CNBD1: variants seen among roughly 807,000 people sequenced by gnomAD.
CNBD1 encodes cyclic nucleotide binding domain containing 1.
Under a neutral mutation model 54.4 loss-of-function variants are expected in CNBD1, and 71 were observed. The ratio of observed to expected loss-of-function variants is 1.30; its 90% confidence interval spans 1.08 to 1.59. The LOEUF is 1.59. Ranked by LOEUF, CNBD1 falls within the 40% of genes most tolerant of loss-of-function variation. The pLI is 0.00. For missense variants in CNBD1, 659 were observed against 518.0 expected, an observed-to-expected ratio of 1.27 and a Z score of -2.64; for synonymous variants, 182 against 170.7, an observed-to-expected ratio of 1.07 and a Z score of -0.51.
At chr8:87,334,897 G>A (rs1348226986) in intron 8 of CNBD1, among the ~76,000 whole-genome samples, 2 of 151,526 alleles carry the variant, frequency 1.3e-5, no homozygotes, top group African/African-American at 4.8e-5. Context: ...CTAATTTTTT[G>A]TACTTTTAGT....
chr8:87,416,301 A>G (rs968935194), intron 2 of CNBD1, among the ~76,000 whole-genome samples: 6 of 152,040 alleles, frequency 3.9e-5, no homozygotes, highest in Non-Finnish European at 8.8e-5. Context: ...CAAACATTCT[A>G]TTTTCTATGA....
intron 4 of CNBD1, among the ~76,000 whole-genome samples, chr8:86,956,819 A>C (rs762435233): frequency 1.3e-5 from 2 of 152,056 alleles, no homozygotes; most frequent in Admixed American, 6.6e-5. Context: ...AATACCCTCT[A>C]TTTCTTTCTC....
chr8:87,417,878 C>T lies in CNBD1; in HGVS notation c.214-10668C>T, dbSNP rs148752961. Among the ~76,000 whole-genome samples, 590 of 147,930 alleles carry T rather than the reference C, an allele frequency of 4.0e-3. 7 individuals carry two copies. The highest frequency in any genetic ancestry group is 0.015 in the African/African-American group (564 of 38,520). On this transcript the variant is annotated intron_variant, in intron 2 of 7. Transcript: ENST00000521593. ...AAATGTTTAACTTGGATATGGAAAGCTACAGAATATTATTGAAATAAATTA... is the reference window on the plus strand; with the variant it reads ...AAATGTTTAACTTGGATATGGAAAGTTACAGAATATTATTGAAATAAATTA...
rs550098436 is a variant in CNBD1 at position 87,043,048 on chromosome 8, G to A, written c.431+103294G>A. 9.2e-5 allele frequency among the ~76,000 whole-genome samples: 14 copies of A among 152,326 alleles called. No homozygotes were observed. In the East Asian group the frequency reaches 2.5e-3, roughly 27 times the overall value. On this transcript the variant is annotated intron_variant, in intron 4 of 10. Transcript: ENST00000518476. ...AGGAAAGGCAGATTTATTAGAGAAA[G>A]TATGAAGATATGTTGCAATGCTGCA... is the stretch of plus-strand genomic sequence containing the variant.
intron 10 of CNBD1, among the ~76,000 whole-genome samples, chr8:87,369,271 T>C (rs1027733017): frequency 1.3e-5 from 2 of 152,022 alleles, no homozygotes; most frequent in Non-Finnish European, 2.9e-5. Flanking sequence ...AAGTGTAAGA[T>C]TTGGTTTCCT....
intron 4 of CNBD1, among the ~76,000 whole-genome samples, chr8:86,994,693 C>T (rs1449288596): frequency 6.6e-6 from 1 of 152,030 alleles, no homozygotes; most frequent in Admixed American, 6.6e-5. Flanking sequence ...TTGAGTACCC[C>T]AGCAGGGTCC....
intron 3 of CNBD1, among the ~76,000 whole-genome samples, chr8:86,937,002 G>A (rs1216052103): frequency 2.0e-5 from 3 of 152,056 alleles, no homozygotes; most frequent in Admixed American, 6.6e-5. Context: ...TACTCACATG[G>A]TGTATTGTGT....
intron 8 of CNBD1, among the ~76,000 whole-genome samples, chr8:87,320,622 G>C (rs1389647028): frequency 6.8e-6 from 1 of 148,122 alleles, no homozygotes; most frequent in South Asian, 2.1e-4. Context: ...GTGTGTGTGG[G>C]GGGGCGGCTC....
intron 3 of CNBD1, among the ~76,000 whole-genome samples, chr8:86,915,367 C>T (rs1293869218): frequency 6.6e-6 from 1 of 152,164 alleles, no homozygotes; most frequent in African/African-American, 2.4e-5. Flanking sequence ...TTGTGACCTC[C>T]AGCATAGTGG....
intron 4 of CNBD1, among the ~76,000 whole-genome samples, chr8:86,989,957 GA>G (rs1808706934): frequency 6.6e-6 from 1 of 152,124 alleles, no homozygotes; most frequent in African/African-American, 2.4e-5. Context: ...CAATCATGTT[GA>G]GCATTTTTTC....
chr8:87,008,938 A>G (rs1809158586), intron 4 of CNBD1, among the ~76,000 whole-genome samples: 1 of 152,122 alleles, frequency 6.6e-6, no homozygotes, highest in Non-Finnish European at 1.5e-5. Flanking sequence ...TTGTCTTTTC[A>G]TTGTGACATT....
At chr8:87,161,858 G>A (rs182181513) in intron 4 of CNBD1, among the ~76,000 whole-genome samples, 211 of 152,172 alleles carry the variant, frequency 1.4e-3, no homozygotes, top group Non-Finnish European at 1.7e-3. Flanking sequence ...ACATGGTAAA[G>A]CTCTTGAACA....
At chr8:86,910,195 C>T (rs891140177) in intron 3 of CNBD1, among the ~76,000 whole-genome samples, 1 of 152,076 alleles carries the variant, frequency 6.6e-6, no homozygotes, top group Non-Finnish European at 1.5e-5. Flanking sequence ...CCTATTGATT[C>T]GCCTAACCTA....
chr8:87,339,989 A>G (rs1810033094), intron 8 of CNBD1, among the ~76,000 whole-genome samples: 1 of 152,078 alleles, frequency 6.6e-6, no homozygotes, highest in Non-Finnish European at 1.5e-5. Flanking sequence ...GATTTTTATA[A>G]TTTCATATGC....
intron 6 of CNBD1, among the ~76,000 whole-genome samples, chr8:87,259,281 A>G (rs4961017): frequency 0.32 from 48,661 of 152,038 alleles, 8,663 homozygotes; most frequent in Non-Finnish European, 0.4. Flanking sequence ...TCTTTTCTTT[A>G]TAACTTTCTT....
downstream of CNBD1, among the ~76,000 whole-genome samples, chr8:87,387,620 CCAA>C (rs1811217557): frequency 6.6e-6 from 1 of 152,112 alleles, no homozygotes; most frequent in Non-Finnish European, 1.5e-5. Flanking sequence ...TCCTTAGAGA[CCAA>C]CAAAGACACT....
intron 4 of CNBD1, among the ~76,000 whole-genome samples, chr8:86,995,728 CAG>C (rs796302333): frequency 1.3e-5 from 2 of 150,078 alleles, no homozygotes; most frequent in South Asian, 2.1e-4. Context: ...GAGAGAGAGA[CAG>C]AGAGTCAAAA....
At chr8:87,230,101 G>C (rs1423793219) in intron 5 of CNBD1, among the ~76,000 whole-genome samples, 3 of 152,154 alleles carry the variant, frequency 2.0e-5, no homozygotes, top group African/African-American at 7.2e-5. Context: ...ACTTTATATA[G>C]CTGAGAGCAG....
chr8:87,232,063 A>G (rs1380305315), intron 5 of CNBD1, among the ~76,000 whole-genome samples: 1 of 152,160 alleles, frequency 6.6e-6, no homozygotes, highest in Non-Finnish European at 1.5e-5. Context: ...ATTCCAATCA[A>G]CATAATGCTT....
Sources: allele counts gnomAD v4.1 joint callset (sites outside exome capture counted in the v4.1 genomes callset), GRCh38; gene constraint gnomAD v4.1.1; transcripts MANE v1.5; gene names NCBI Gene and HGNC (gene_info 2026-07-23, HGNC 2026-07-21).